Variants in RBFOX3 observed in about 807,000 individuals in gnomAD.
The protein encoded by RBFOX3 is RNA binding fox-1 homolog 3, also known as RNA binding protein fox-1 homolog 3.
In RBFOX3, 17 loss-of-function variants were observed where a neutral mutation model predicts 48.7. The ratio of observed to expected loss-of-function variants is 0.35; its 90% confidence interval spans 0.24 to 0.52. RBFOX3 has a LOEUF of 0.52. Among genes scored for constraint, RBFOX3 ranks in the 20% least tolerant of loss-of-function variants. RBFOX3 has a pLI of 0.94. For synonymous variants in RBFOX3, 212 were observed against 209.5 expected, an observed-to-expected ratio of 1.01 and a Z score of -0.10; for missense variants, 382 against 497.5, an observed-to-expected ratio of 0.77 and a Z score of 2.21.
intron 3 of RBFOX3, among the ~76,000 whole-genome samples, chr17:79,257,874 C>G (rs377346633): frequency 1.3e-5 from 2 of 152,094 alleles, no homozygotes; most frequent in Non-Finnish European, 2.9e-5. Context: ...AGCCACCATG[C>G]CTGGTCTGTC....
rs1441964655 is a variant in RBFOX3, at chr17:79,363,585, G to A, written c.-174-55761C>T. 6.6e-6 allele frequency among the ~76,000 whole-genome samples: 1 copy of A among 151,910 alleles called. No individual in the cohort carries two copies. The highest frequency in any genetic ancestry group is 1.5e-5 in the Non-Finnish European group (1 of 67,980). Reference sequence around the variant, plus strand: ...TGTTCCTGCCCAGCTTCCCTGGGGGGTCTCCGCGAGCAACATACCTCTTAC... The same window carrying A: ...TGTTCCTGCCCAGCTTCCCTGGGGGATCTCCGCGAGCAACATACCTCTTAC... On this transcript the variant is annotated intron_variant, in intron 2 of 14. Transcript: ENST00000693108. The surrounding 1 kb of genome is among the most constrained non-coding windows in gnomAD (Gnocchi z 4.7).
chr17:79,426,949 C>A (rs1002739819), intron 2 of RBFOX3, among the ~76,000 whole-genome samples: 1 of 152,126 alleles, frequency 6.6e-6, no homozygotes, highest in African/African-American at 2.4e-5. Context: ...GGTGATCCAC[C>A]CGCCTCGGCC....
At chr17:79,170,285 G>A (rs993561153) in intron 4 of RBFOX3, among the ~76,000 whole-genome samples, 3 of 152,190 alleles carry the variant, frequency 2.0e-5, no homozygotes, top group Admixed American at 6.5e-5. Context: ...GGAGGGCCAA[G>A]TGTTCATGGC....
intron 4 of RBFOX3, among the ~76,000 whole-genome samples, chr17:79,178,635 G>C (rs59265016): frequency 0.19 from 28,370 of 152,146 alleles, 5,373 homozygotes; most frequent in African/African-American, 0.49. Context: ...CAGCTGCCAA[G>C]GAATGAAACT....
chr17:79,149,565 TG>T (rs112606209), intron 4 of RBFOX3, among the ~76,000 whole-genome samples: 3 of 151,642 alleles, frequency 2.0e-5, no homozygotes, highest in Non-Finnish European at 4.4e-5. Flanking sequence ...GAAGTGTGCC[TG>T]GGGGGGTCCG....
At chr17:79,353,573 T>C (rs796679787) in intron 2 of RBFOX3, among the ~76,000 whole-genome samples, 22 of 152,332 alleles carry the variant, frequency 1.4e-4, no homozygotes, top group African/African-American at 5.1e-4. Flanking sequence ...CCATCACTCA[T>C]GCAGATGCTG....
intron 2 of RBFOX3, among the ~76,000 whole-genome samples, chr17:79,377,250 G>A (rs940807839): frequency 1.3e-5 from 2 of 152,068 alleles, no homozygotes; most frequent in Non-Finnish European, 2.9e-5. Context: ...ATGCAGAGAC[G>A]TGGACCACAG....
At chr17:79,388,763 T>G (rs943774254) in intron 2 of RBFOX3, among the ~76,000 whole-genome samples, 6 of 152,168 alleles carry the variant, frequency 3.9e-5, no homozygotes, top group Non-Finnish European at 5.9e-5. Context: ...CTCCTGCACA[T>G]GCCCCGGTGC....
chr17:79,167,812 C>T (rs965433573), intron 4 of RBFOX3, among the ~76,000 whole-genome samples: 4 of 152,204 alleles, frequency 2.6e-5, no homozygotes, highest in Non-Finnish European at 5.9e-5. Flanking sequence ...GAGGTGCCCC[C>T]GGGACCCTGG....
At chr17:79,593,263 C>T (rs2093474017) in intron 1 of RBFOX3, among the ~76,000 whole-genome samples, 1 of 152,276 alleles carries the variant, frequency 6.6e-6, no homozygotes, top group South Asian at 2.1e-4. Context: ...TCTCCCAGCT[C>T]TTTTTTTGTA....
chr17:79,261,163 A>C (rs9302890), intron 3 of RBFOX3, among the ~76,000 whole-genome samples: 106,129 of 151,810 alleles, frequency 0.7, 37,302 homozygotes, highest in East Asian at 0.86. Context: ...CTACAAACAT[A>C]CTCATCTGTT....
intron 1 of RBFOX3, among the ~76,000 whole-genome samples, chr17:79,495,568 G>GA (rs2081358797): frequency 8.0e-5 from 2 of 25,066 alleles, no homozygotes; most frequent in African/African-American, 9.2e-5. Context: ...ACTGGGGGCA[G>GA]GGATGGGGAT....
chr17:79,537,421 C>T (rs1473378439), intron 1 of RBFOX3, among the ~76,000 whole-genome samples: 8 of 152,156 alleles, frequency 5.3e-5, no homozygotes, highest in African/African-American at 9.7e-5. Context: ...TGTAAAGACC[C>T]TATTTCCAAA....
intron 2 of RBFOX3, among the ~76,000 whole-genome samples, chr17:79,437,939 C>T (rs1334882756): frequency 6.6e-6 from 1 of 150,448 alleles, no homozygotes; most frequent in Non-Finnish European, 1.5e-5. Context: ...CATTCACACA[C>T]AGATACATGC....
At chr17:79,152,700 G>C (rs1599700978) in intron 4 of RBFOX3, among the ~76,000 whole-genome samples, 1 of 152,226 alleles carries the variant, frequency 6.6e-6, no homozygotes, top group Non-Finnish European at 1.5e-5. Flanking sequence ...GAGAGGGCCA[G>C]AGCAGGGCAG....
chr17:79,565,341 C>CTTT (rs1270878476), intron 1 of RBFOX3, among the ~76,000 whole-genome samples: 6 of 138,170 alleles, frequency 4.3e-5, no homozygotes, highest in African/African-American at 1.6e-4. Flanking sequence ...TTTAGGACAT[C>CTTT]TTTTTTTTTT....
At chr17:79,533,392 C>T (rs146692819) in intron 1 of RBFOX3, among the ~76,000 whole-genome samples, 1 of 152,236 alleles carries the variant, frequency 6.6e-6, no homozygotes, top group Non-Finnish European at 1.5e-5. Context: ...GCGAGGGTGG[C>T]GATAAACCCA....
chr17:79,252,098 GC>G lies in RBFOX3; in HGVS notation c.-73-16294del, dbSNP rs531700403. ...TGGAAGCACACTTTGTCCTGGGCTG[GC>G]CCACACCCTCCTGGTCTCCCCATGG... On this transcript the variant is annotated intron_variant, in intron 3 of 14. Coordinates refer to ENST00000693108, the MANE Select transcript of RBFOX3 (RefSeq NM_001350451.2). This position sits in a 1 kb window ranked among gnomAD's most constrained non-coding sequence, Gnocchi z 4.0. Among the ~76,000 whole-genome samples, 15 of 152,278 alleles carry G rather than the reference GC, an allele frequency of 9.9e-5. No homozygotes were observed. In the East Asian group the frequency reaches 2.9e-3, roughly 29 times the overall value.
At position 79,290,608 on chromosome 17, in the gene RBFOX3, G is replaced by A. The variant is rs147801303; in HGVS notation, c.-74+17116C>T. 3.3e-4 allele frequency among the ~76,000 whole-genome samples: 51 copies of A among 152,290 alleles called. 1 individual carries two copies. The East Asian group carries it at 8.9e-3, about 26-fold the overall frequency. On this transcript the variant is annotated intron_variant, in intron 3 of 14. Coordinates refer to ENST00000693108, the MANE Select transcript of RBFOX3 (RefSeq NM_001350451.2). ...TAGCAGTTAGCAAATGGAGTCTGAGGTTGACCCACGTGACCCTTGCTAAGG... is the reference window on the plus strand; with the variant it reads ...TAGCAGTTAGCAAATGGAGTCTGAGATTGACCCACGTGACCCTTGCTAAGG...
Sources: gnomAD v4.1 joint callset for allele counts (sites outside exome capture counted in the v4.1 genomes callset) on GRCh38, gnomAD v4.1.1 for gene constraint, Gnocchi (gnomAD v3.1) non-coding constraint, MANE v1.5 for transcripts, NCBI Gene and HGNC (gene_info 2026-07-23, HGNC 2026-07-21) for gene names.